ACSF3: variants seen among roughly 807,000 people sequenced by gnomAD.
The protein encoded by ACSF3 is malonate--CoA ligase ACSF3, mitochondrial.
Under a neutral mutation model 53.2 loss-of-function variants are expected in ACSF3, and 78 were observed. The ratio of observed to expected loss-of-function variants is 1.47; its 90% CI spans 1.22 to 1.77. The LOEUF (loss-of-function observed/expected upper bound fraction) is 1.77. Ranked by LOEUF, ACSF3 falls within the 40% of genes most tolerant of loss-of-function variation. The pLI is 0.00. For synonymous variants in ACSF3, 414 were observed against 333.1 expected, an observed-to-expected ratio of 1.24 and a Z score of -2.65; for missense variants, 937 against 771.1, an observed-to-expected ratio of 1.22 and a Z score of -2.55.
At chr16:89,131,194 T>C (rs1262547297) in intron 7 of ACSF3, among the ~76,000 whole-genome samples, 1 of 141,884 alleles carries the variant, frequency 7.0e-6, no homozygotes, top group African/African-American at 2.6e-5. Flanking sequence ...AGTGCAGGGC[T>C]GCAGTCTTGG....
At chr16:89,122,334 G>A (rs919722638) in intron 7 of ACSF3, 2 of 380,286 alleles carry the variant, frequency 5.3e-6, no homozygotes, top group African/African-American at 2.1e-5. Context: ...CCACCTGGGT[G>A]GCTGCCCCTT....
At chr16:89,106,051 C>T (rs1975941177) in intron 4 of ACSF3, among the ~76,000 whole-genome samples, 2 of 152,252 alleles carry the variant, frequency 1.3e-5, no homozygotes, top group South Asian at 4.1e-4. Context: ...CCAGGGGCAT[C>T]TGCCAGGGGG....
chr16:89,103,619 T>C (rs4782454), intron 4 of ACSF3, among the ~76,000 whole-genome samples: 106,587 of 151,446 alleles, frequency 0.7, 38,084 homozygotes, highest in Admixed American at 0.77. Flanking sequence ...ATTCGGGGTG[T>C]AGGGCGTAGG....
At chr16:89,152,706 A>G (rs1401123189) in intron 10 of ACSF3, 1 of 152,180 alleles carries the variant, frequency 6.6e-6, no homozygotes, top group Non-Finnish European at 1.5e-5. Context: ...GTTTTATACA[A>G]CTATAAAATA....
chr16:89,137,144 C>T (rs1043969360), intron 8 of ACSF3, among the ~76,000 whole-genome samples: 12 of 152,176 alleles, frequency 7.9e-5, no homozygotes, highest in African/African-American at 1.9e-4. Flanking sequence ...TAGGGCAGGG[C>T]GGCATCCCTG....
intron 6 of ACSF3, among the ~76,000 whole-genome samples, chr16:89,120,542 G>C (rs1393857145): frequency 6.6e-6 from 1 of 152,262 alleles, no homozygotes; most frequent in Non-Finnish European, 1.5e-5. Flanking sequence ...CCACGTGAGT[G>C]CCTGCTGTGC....
At chr16:89,146,808 C>G (rs1913051739) in intron 10 of ACSF3, among the ~76,000 whole-genome samples, 1 of 152,170 alleles carries the variant, frequency 6.6e-6, no homozygotes, top group African/African-American at 2.4e-5. Context: ...GCATGGGATC[C>G]ACAGACCCTC....
chr16:89,135,157 AAAAG>A (rs1910164611), intron 8 of ACSF3, among the ~76,000 whole-genome samples: 1 of 152,146 alleles, frequency 6.6e-6, no homozygotes. Flanking sequence ...TTTTCCAAAA[AAAAG>A]AGGCCCATTT....
At chr16:89,143,255 C>G (rs1470135433) in intron 8 of ACSF3, among the ~76,000 whole-genome samples, 2 of 152,148 alleles carry the variant, frequency 1.3e-5, no homozygotes, top group African/African-American at 2.4e-5. Flanking sequence ...GCCTCAGCCC[C>G]GTGAGTAACT....
chr16:89,114,253 C>G (rs535147423), intron 5 of ACSF3, 86 bp from the exon 6 acceptor site: 1,427 of 1,587,712 alleles, frequency 9.0e-4, no homozygotes, highest in South Asian at 2.3e-3. Flanking sequence ...AAGCAAGGGC[C>G]GCCTCCTGAG....
At chr16:89,104,860 T>C (rs1178630768) in intron 4 of ACSF3, among the ~76,000 whole-genome samples, 1 of 152,262 alleles carries the variant, frequency 6.6e-6, no homozygotes, top group Non-Finnish European at 1.5e-5. Flanking sequence ...AACAGCTTTG[T>C]ACGAGCAAGT....
At position 89,120,867 on chromosome 16, in the gene ACSF3, C is replaced by T. The variant is rs1317843667; in HGVS notation, c.1193C>T (p.Ala398Val). The change falls in exon 7 of 11, where the codon GCC (alanine) becomes GTC (valine). Residue 398 changes from alanine to valine, a missense_variant. Physicochemically the swap from Ala to Val is moderately conservative, Grantham distance 64. Transcript: ENST00000614302. ...RIVSENPQRE[A>V]CSYTIHAEGD... ...GTCTCAGAAAACCCACAGAGGGAAG[C>T]CTGCTCCTACACCATCCACGCAGAG... is the stretch of plus-strand genomic sequence containing the variant. The T allele has an allele frequency of 6.2e-7, 1 of 1,614,138 alleles. No individual in the cohort carries two copies. Among genetic ancestry groups the T allele is most frequent in the Admixed American group, 1.7e-5 (1 of 60,030 alleles).
intron 8 of ACSF3, among the ~76,000 whole-genome samples, chr16:89,135,609 A>G (rs910273625): frequency 6.6e-6 from 1 of 152,184 alleles, no homozygotes; most frequent in African/African-American, 2.4e-5. Flanking sequence ...TCTTTTTTAT[A>G]CATCCCCATT....
At chr16:89,147,542 C>T (rs1234527903) in intron 10 of ACSF3, 3 of 23,138 alleles carry the variant, frequency 1.3e-4, no homozygotes, top group Admixed American at 4.7e-4. Context: ...GGGGGAGGGG[C>T]CACAGAGCGA....
At chr16:89,135,244 G>A (rs1443089926) in intron 8 of ACSF3, among the ~76,000 whole-genome samples, 1 of 152,252 alleles carries the variant, frequency 6.6e-6, no homozygotes, top group Non-Finnish European at 1.5e-5. Flanking sequence ...GAGCAGAGCG[G>A]GGGGCTGCAG....
At chr16:89,143,691 G>C (rs887462622) in intron 8 of ACSF3, among the ~76,000 whole-genome samples, 9 of 152,052 alleles carry the variant, frequency 5.9e-5, no homozygotes, top group Non-Finnish European at 1.0e-4. Flanking sequence ...CCTTCCAGCC[G>C]CCCAGACTAC....
rs541646020 is a variant in ACSF3, at chr16:89,155,159, G to A, written c.*952G>A. 4.4e-5 allele frequency: 20 copies of A among 454,166 alleles called. No individual in the cohort carries two copies. Among genetic ancestry groups the A allele is most frequent in the African/African-American group, 3.4e-4 (17 of 50,140 alleles). 28.1% of individuals were successfully genotyped at this position (454,166 alleles called of 1,614,324 possible). A position where few individuals can be genotyped will look rare whatever the true frequency, so the allele number is the denominator to read the frequency against. On this transcript the variant is annotated 3_prime_UTR_variant, in exon 11 of 11. Transcript: ENST00000614302. Reference sequence around the variant, plus strand: ...CAATTCAGATGCACAGGGGCCACATGCAGAATCCAGAAGTTTCTGGACAAT... The same window carrying A: ...CAATTCAGATGCACAGGGGCCACATACAGAATCCAGAAGTTTCTGGACAAT...
At chr16:89,122,803 CTTAAA>C (rs1906975728) in intron 7 of ACSF3, 2 of 152,474 alleles carry the variant, frequency 1.3e-5, no homozygotes, top group African/African-American at 4.8e-5. Context: ...GCATTTCTGT[CTTAAA>C]TTAAAACAAA....
chr16:89,146,070 C>A, intron 10 of ACSF3, 21 bp downstream of exon 10: 3 of 794,946 alleles, frequency 3.8e-6, no homozygotes, highest in South Asian at 1.3e-5. Context: ...GTGGGGCGGG[C>A]AGGGAGCACT....
Sources: gnomAD v4.1 joint callset for allele counts (sites outside exome capture counted in the v4.1 genomes callset) on GRCh38, gnomAD v4.1.1 for gene constraint, MANE v1.5 for transcripts, NCBI Gene and HGNC (gene_info 2026-07-23, HGNC 2026-07-21) for gene names.